Variants in LIFR observed in about 807,000 individuals in gnomAD.
LIFR encodes the protein LIF receptor subunit alpha.
LIFR carries 84 observed loss-of-function variants against 122.2 expected under a neutral mutation model. The ratio of observed to expected loss-of-function variants is 0.69; its 90% CI spans 0.58 to 0.82. The LOEUF is 0.82. Ranked by LOEUF, LIFR falls within the 40% of genes least tolerant of loss-of-function variation. The probability of loss-of-function intolerance (pLI) is 0.00; values close to 1 mark genes in which losing one functional copy is unlikely to be tolerated. For synonymous variants in LIFR, 422 were observed against 434.7 expected (o/e 0.97, Z 0.36); for missense variants, 1,294 against 1,311.6 (o/e 0.99, Z 0.21).
chr5:38,492,150 A>G (rs1007214075), intron 14 of LIFR, among the ~76,000 whole-genome samples: 10 of 152,188 alleles, frequency 6.6e-5, no homozygotes, highest in African/African-American at 2.4e-4. Context: ...AGCTCTGAAT[A>G]ACTCTGAATT....
At chr5:38,517,269 A>T (rs1276864953) in intron 5 of LIFR, among the ~76,000 whole-genome samples, 1 of 152,146 alleles carries the variant, frequency 6.6e-6, no homozygotes, top group East Asian at 1.9e-4. Context: ...AGTAGTGACA[A>T]ATAATATTTG....
At chr5:38,566,413 A>G (rs1036066104) in intron 1 of LIFR, among the ~76,000 whole-genome samples, 1 of 152,212 alleles carries the variant, frequency 6.6e-6, no homozygotes, top group Non-Finnish European at 1.5e-5. Context: ...GGAAAACATT[A>G]AGAATCTTTT....
At chr5:38,527,321 A>T in intron 3 of LIFR, 27 bp from the exon 4 acceptor site, 2 of 1,407,906 alleles carry the variant, frequency 1.4e-6, no homozygotes, top group Non-Finnish European at 2.0e-6. Context: ...AATTTTAATT[A>T]GCAAATAAAA....
chr5:38,501,981 G>T (rs1232839124), intron 11 of LIFR, among the ~76,000 whole-genome samples: 4 of 141,760 alleles, frequency 2.8e-5, no homozygotes, highest in African/African-American at 5.2e-5. Context: ...TTTAGTAATT[G>T]TTTTTTTTTT....
In LIFR at chr5:38,479,491, G is replaced by C. The variant is rs1743876614; in HGVS notation, c.*2104C>G. 8.6e-6 allele frequency: 2 copies of C among 231,482 alleles called. No homozygotes were observed. Among genetic ancestry groups the C allele is most frequent in the East Asian group, 1.2e-4 (2 of 16,422 alleles). The allele number at this position is 231,482 out of a possible 1,614,324, so 14.3% of individuals were successfully genotyped here. A position where few individuals can be genotyped will look rare whatever the true frequency, so the allele number is the denominator to read the frequency against. ...TTAGAAAGGGCCCTGGATCCAGATG[G>C]TCACAGTTGAAATGCATATATATTG... is the stretch of plus-strand genomic sequence containing the variant. On this transcript the variant is annotated 3_prime_UTR_variant, in exon 20 of 20. Transcript: ENST00000453190.
intron 8 of LIFR, 54 bp from the exon 9 acceptor site, chr5:38,506,128 A>C: frequency 8.2e-7 from 1 of 1,215,268 alleles, no homozygotes; most frequent in South Asian, 1.3e-5. Context: ...ATATTGCAGG[A>C]AAAAACGGGC....
intron 1 of LIFR, among the ~76,000 whole-genome samples, chr5:38,564,767 CACACACACACAT>C (rs1309637183): frequency 4.7e-5 from 7 of 149,092 alleles, no homozygotes; most frequent in East Asian, 4.0e-4. Flanking sequence ...CACACACACA[CACACACACACAT>C]ATATTTTTTT....
intron 5 of LIFR, among the ~76,000 whole-genome samples, chr5:38,516,857 C>T (rs554220463): frequency 1.3e-5 from 2 of 152,288 alleles, no homozygotes; most frequent in Admixed American, 1.3e-4. Context: ...CACATACACA[C>T]CATGGAGTAC....
chr5:38,592,894 T>C (rs1349555662), intron 1 of LIFR, among the ~76,000 whole-genome samples: 1 of 151,924 alleles, frequency 6.6e-6, no homozygotes, highest in African/African-American at 2.4e-5. Flanking sequence ...CTTTCCTGAT[T>C]AGCCAGGAAA....
intron 2 of LIFR, among the ~76,000 whole-genome samples, chr5:38,603,057 C>G (rs930388868): frequency 6.6e-5 from 10 of 152,066 alleles, no homozygotes; most frequent in African/African-American, 2.4e-4. Flanking sequence ...GCACGCGGGC[C>G]GCCCACCCGA....
chr5:38,553,649 T>TAC (rs2112662314), intron 1 of LIFR, among the ~76,000 whole-genome samples: 1 of 100,098 alleles, frequency 1.0e-5, no homozygotes, highest in African/African-American at 4.3e-5. Context: ...TATATATATA[T>TAC]ATATATATAT....
Position 38,502,737 on chromosome 5 carries a change from ATTTAAC to A in LIFR, c.1494_1499del (p.Lys498_Leu499del), listed in dbSNP as rs773791784. On this transcript the variant is annotated inframe_deletion, in exon 11 of 20. Coordinates refer to ENST00000453190, the MANE Select transcript of LIFR (RefSeq NM_001127671.2). ...TCCGAAAAGTATATAGAGTGTATGG[ATTTAAC>A]TTGTCCAGAGCAACAAGATAACTTG... 3 of 1,611,816 alleles carry A rather than the reference ATTTAAC, an allele frequency of 1.9e-6. No individual in the cohort carries two copies. Among genetic ancestry groups the A allele is most frequent in the Non-Finnish European group, 2.5e-6 (3 of 1,177,964 alleles).
At chr5:38,544,300 CTCCTTA>C (rs1245839440) in intron 1 of LIFR, among the ~76,000 whole-genome samples, 1 of 152,046 alleles carries the variant, frequency 6.6e-6, no homozygotes, top group African/African-American at 2.4e-5. Context: ...CTAGTGGATT[CTCCTTA>C]TAAGCACACC....
At position 38,577,445 on chromosome 5, in the gene LIFR, T is replaced by G. The variant is rs1202033618; in HGVS notation, c.-20+17816A>C. 2.0e-5 allele frequency among the ~76,000 whole-genome samples: 3 copies of G among 152,170 alleles called. No individual in the cohort carries two copies. In the South Asian group the frequency reaches 6.2e-4, roughly 32 times the overall value. The stretch of plus-strand genomic sequence containing the variant: ...CCCGGTGCCAGTCATCTGCCTAGAC[T>G]GCCCCTTCACCTTTTCCCACACTGT... On this transcript the variant is annotated intron_variant, in intron 1 of 19. Coordinates refer to the LIFR transcript ENST00000263409.
intron 1 of LIFR, among the ~76,000 whole-genome samples, chr5:38,589,503 AAATT>A (rs1561229739): frequency 6.6e-6 from 1 of 152,208 alleles, no homozygotes; most frequent in African/African-American, 2.4e-5. Context: ...ATTGAATCCC[AAATT>A]AATCCCAAGT....
intron 12 of LIFR, 86 bp from the exon 13 acceptor site, chr5:38,496,681 A>G (rs1744897757): frequency 6.4e-6 from 6 of 937,140 alleles, no homozygotes; most frequent in Non-Finnish European, 1.0e-5. Context: ...TGGACACTAT[A>G]TTAACAATAA....
At chr5:38,596,164 G>A (rs1294440664), upstream of LIFR, among the ~76,000 whole-genome samples, 14 of 152,172 alleles carry the variant, frequency 9.2e-5, no homozygotes, top group Admixed American at 9.2e-4. Context: ...TGGACAATTT[G>A]TACCACTCCT....
At chr5:38,524,671 G>C (rs1374791710) in intron 4 of LIFR, among the ~76,000 whole-genome samples, 2 of 152,196 alleles carry the variant, frequency 1.3e-5, no homozygotes, top group Non-Finnish European at 2.9e-5. Context: ...GTAAGGGTCA[G>C]GGGAAGAAGA....
chr5:38,598,469 C>T (rs1750163273), upstream of LIFR, among the ~76,000 whole-genome samples: 1 of 151,736 alleles, frequency 6.6e-6, no homozygotes, highest in African/African-American at 2.4e-5. Context: ...TGGTCTTAAA[C>T]TCCTGACCTT....
Sources: allele counts gnomAD v4.1 joint callset (sites outside exome capture counted in the v4.1 genomes callset), GRCh38; gene constraint gnomAD v4.1.1; transcripts MANE v1.5; gene names NCBI Gene and HGNC (gene_info 2026-07-23, HGNC 2026-07-21).